The following LHFPL3 variants were observed in gnomAD, a reference collection of about 807,000 sequenced individuals.
LHFPL3 encodes the protein LHFPL tetraspan subfamily member 3.
Under a neutral mutation model 19.3 loss-of-function variants are expected in LHFPL3, and 5 were observed. The ratio of observed to expected loss-of-function variants is 0.26; its 90% CI spans 0.14 to 0.54. The LOEUF is 0.54. Ranked by LOEUF, LHFPL3 falls within the 20% of genes least tolerant of loss-of-function variation. LHFPL3 has a pLI of 0.94. For missense variants in LHFPL3, 249 were observed against 307.4 expected, an observed-to-expected ratio of 0.81 and a Z score of 1.42; for synonymous variants, 133 against 126.2, an observed-to-expected ratio of 1.05 and a Z score of -0.36.
intron 1 of LHFPL3, among the ~76,000 whole-genome samples, chr7:104,540,966 A>T (rs1229711806): frequency 6.6e-6 from 1 of 152,132 alleles, no homozygotes; most frequent in Admixed American, 6.5e-5. Context: ...GGCTTCTTCC[A>T]GTTGTAGTTA....
intron 2 of LHFPL3, among the ~76,000 whole-genome samples, chr7:104,897,390 A>T (rs1454504703): frequency 6.6e-6 from 1 of 152,336 alleles, no homozygotes; most frequent in African/African-American, 2.4e-5. Context: ...GGAAGCATAC[A>T]TCATACTCAA....
chr7:104,351,966 T>G (rs1317143780), intron 1 of LHFPL3, among the ~76,000 whole-genome samples: 2 of 151,996 alleles, frequency 1.3e-5, no homozygotes, highest in Non-Finnish European at 2.9e-5. Flanking sequence ...TGGGAGGTCA[T>G]AGCGGGAGGA....
chr7:104,475,744 G>A, intron 1 of LHFPL3, among the ~76,000 whole-genome samples: 1 of 152,198 alleles, frequency 6.6e-6, no homozygotes, highest in South Asian at 2.1e-4. Context: ...TTTGTTTAGA[G>A]TGGAATTTCC....
At chr7:104,342,065 TTCCAATGGCC>T (rs1789968724) in intron 1 of LHFPL3, among the ~76,000 whole-genome samples, 1 of 152,238 alleles carries the variant, frequency 6.6e-6, no homozygotes, top group Admixed American at 6.5e-5. Flanking sequence ...CTGCTGTGAC[TTCCAATGGCC>T]TCCTTTTTTG....
chr7:104,685,896 T>G (rs1584479894), intron 1 of LHFPL3, among the ~76,000 whole-genome samples: 1 of 152,186 alleles, frequency 6.6e-6, no homozygotes. Flanking sequence ...TAATGGATGG[T>G]CAAAGGCAAG....
chr7:104,552,668 A>G (rs561230124), intron 1 of LHFPL3, among the ~76,000 whole-genome samples: 1 of 152,354 alleles, frequency 6.6e-6, no homozygotes, highest in Non-Finnish European at 1.5e-5. Context: ...TTCCTAAGAT[A>G]GTGCATGAAT....
intron 1 of LHFPL3, among the ~76,000 whole-genome samples, chr7:104,391,352 A>G (rs1374678689): frequency 1.3e-5 from 2 of 152,172 alleles, no homozygotes; most frequent in South Asian, 2.1e-4. Context: ...ATGTTGAATT[A>G]ATTTTTGTAT....
At chr7:104,394,158 T>C (rs74539071) in intron 1 of LHFPL3, among the ~76,000 whole-genome samples, 1 of 152,382 alleles carries the variant, frequency 6.6e-6, no homozygotes, top group East Asian at 1.9e-4. Flanking sequence ...TTGGCAAGAC[T>C]GAAAGACTAC....
chr7:104,609,777 G>A (rs1038492129), intron 1 of LHFPL3, among the ~76,000 whole-genome samples: 1 of 152,150 alleles, frequency 6.6e-6, no homozygotes, highest in Non-Finnish European at 1.5e-5. Flanking sequence ...GTTAAAAAGT[G>A]CAGTAATTTA....
chr7:104,441,545 G>A (rs1792223423), intron 1 of LHFPL3, among the ~76,000 whole-genome samples: 1 of 145,258 alleles, frequency 6.9e-6, no homozygotes, highest in South Asian at 2.1e-4. Context: ...ACATGGTAGA[G>A]ACAATATCTC....
At chr7:104,551,879 A>T (rs1353493098) in intron 1 of LHFPL3, among the ~76,000 whole-genome samples, 1 of 152,136 alleles carries the variant, frequency 6.6e-6, no homozygotes, top group Non-Finnish European at 1.5e-5. Context: ...TTTTTCAGCA[A>T]CTTGGACATC....
chr7:104,662,067 A>G (rs1792232515), intron 1 of LHFPL3, among the ~76,000 whole-genome samples: 1 of 152,224 alleles, frequency 6.6e-6, no homozygotes, highest in South Asian at 2.1e-4. Flanking sequence ...CCAAAACATT[A>G]TCATTCTACT....
intron 1 of LHFPL3, among the ~76,000 whole-genome samples, chr7:104,632,696 C>A (rs1285492891): frequency 6.6e-6 from 1 of 152,222 alleles, no homozygotes; most frequent in African/African-American, 2.4e-5. Flanking sequence ...GCTCCTGTCA[C>A]TCAGGCTGGA....
chr7:104,884,238 C>G (rs1792105284), intron 2 of LHFPL3, among the ~76,000 whole-genome samples: 2 of 152,178 alleles, frequency 1.3e-5, no homozygotes, highest in African/African-American at 4.8e-5. Context: ...TGCTTCCATT[C>G]CCTTCTATTC....
At chr7:104,641,178 C>G (rs1791825872) in intron 1 of LHFPL3, among the ~76,000 whole-genome samples, 1 of 152,170 alleles carries the variant, frequency 6.6e-6, no homozygotes, top group Non-Finnish European at 1.5e-5. Flanking sequence ...TGCCATGTAA[C>G]TTGAAAACAA....
At position 104,647,846 on chromosome 7, in the gene LHFPL3, C is replaced by T. The variant is rs553030782; in HGVS notation, c.446-88829C>T. On this transcript the variant is annotated intron_variant, in intron 1 of 2. Coordinates refer to ENST00000424859, the MANE Select transcript of LHFPL3 (RefSeq NM_199000.3). ...AGTTTCCCAGGAACCCTACAGTAGA[C>T]TCCTGCTGACAATTCGTTGGCCAGA... Among the ~76,000 whole-genome samples the T allele has an allele frequency of 9.2e-5, 14 of 152,292 alleles. No homozygotes were observed. In the East Asian group the frequency reaches 2.7e-3, roughly 29 times the overall value.
chr7:104,412,401 G>A (rs1356160477), intron 1 of LHFPL3, among the ~76,000 whole-genome samples: 1 of 152,052 alleles, frequency 6.6e-6, no homozygotes, highest in Non-Finnish European at 1.5e-5. Context: ...CCATTAGCTT[G>A]TGAAGAGTGG....
intron 1 of LHFPL3, among the ~76,000 whole-genome samples, chr7:104,523,154 C>G (rs1254342640): frequency 1.3e-5 from 2 of 152,074 alleles, no homozygotes; most frequent in African/African-American, 4.8e-5. Context: ...AAGTATGCTT[C>G]TCAAATTGGT....
At chr7:104,407,459 C>A (rs1791439132) in intron 1 of LHFPL3, among the ~76,000 whole-genome samples, 1 of 152,122 alleles carries the variant, frequency 6.6e-6, no homozygotes, top group Admixed American at 6.5e-5. Context: ...GAGTTTGAGA[C>A]CAGCATGGCC....
Sources: gnomAD v4.1 joint callset for allele counts (sites outside exome capture counted in the v4.1 genomes callset) on GRCh38, gnomAD v4.1.1 for gene constraint, MANE v1.5 for transcripts, NCBI Gene and HGNC (gene_info 2026-07-23, HGNC 2026-07-21) for gene names.